CACNA2D1: variants seen among roughly 807,000 people sequenced by gnomAD.
CACNA2D1 encodes the protein voltage-dependent calcium channel subunit alpha-2/delta-1.
Under a neutral mutation model 171.5 loss-of-function variants are expected in CACNA2D1, and 53 were observed. The observed-to-expected ratio is 0.31, with a 90% confidence interval of 0.25 to 0.39. The LOEUF is 0.39. Among genes scored for constraint, CACNA2D1 ranks in the 10% least tolerant of loss-of-function variants. The pLI is 1.00. For missense variants in CACNA2D1, 903 were observed against 1,299.8 expected, an observed-to-expected ratio of 0.69 and a Z score of 4.69; for synonymous variants, 442 against 443.1, an observed-to-expected ratio of 1.00 and a Z score of 0.03.
At chr7:82,384,438 CT>C (rs1203195495) in intron 1 of CACNA2D1, among the ~76,000 whole-genome samples, 9 of 152,110 alleles carry the variant, frequency 5.9e-5, no homozygotes, top group Non-Finnish European at 7.3e-5. Context: ...CTCACCAAAA[CT>C]TGAATGAGTC....
At chr7:82,277,222 G>A (rs946179423) in intron 3 of CACNA2D1, among the ~76,000 whole-genome samples, 2 of 151,686 alleles carry the variant, frequency 1.3e-5, no homozygotes, top group Non-Finnish European at 2.9e-5. Flanking sequence ...TTTTGGAGGG[G>A]GATGAAGTCT....
chr7:82,016,680 G>A (rs762088305), intron 12 of CACNA2D1, among the ~76,000 whole-genome samples: 19 of 140,784 alleles, frequency 1.3e-4, no homozygotes, highest in African/African-American at 3.4e-4. Flanking sequence ...TAACTTCTAC[G>A]TGTTTGCTTA....
chr7:82,375,711 C>A (rs905568182), intron 1 of CACNA2D1, among the ~76,000 whole-genome samples: 15 of 152,172 alleles, frequency 9.9e-5, no homozygotes, highest in African/African-American at 3.6e-4. Context: ...GAGGGCAAGG[C>A]ACGACCTGTA....
chr7:82,266,772 C>T (rs1046495897), intron 3 of CACNA2D1, among the ~76,000 whole-genome samples: 1 of 152,166 alleles, frequency 6.6e-6, no homozygotes, highest in African/African-American at 2.4e-5. Flanking sequence ...CCACCTCTGC[C>T]TCTCAAAGTG....
chr7:82,217,390 C>CACATATATATATATATATATAT (rs1402573092), intron 3 of CACNA2D1, among the ~76,000 whole-genome samples: 6 of 54,440 alleles, frequency 1.1e-4, no homozygotes, highest in African/African-American at 5.2e-4. Flanking sequence ...CACACACACA[C>CACATATATATATATATATATAT]ATACATATAT....
intron 10 of CACNA2D1, among the ~76,000 whole-genome samples, chr7:82,053,024 G>A (rs939727593): frequency 2.0e-5 from 3 of 152,090 alleles, no homozygotes; most frequent in Middle Eastern, 3.4e-3. Flanking sequence ...AGGCAGAGGC[G>A]GGCGGATCAC....
chr7:82,266,176 TG>T (rs1312625915), intron 3 of CACNA2D1, among the ~76,000 whole-genome samples: 2 of 152,200 alleles, frequency 1.3e-5, no homozygotes, highest in South Asian at 4.1e-4. Flanking sequence ...AAAGAGAAAC[TG>T]TCTGGCTTTT....
intron 3 of CACNA2D1, among the ~76,000 whole-genome samples, chr7:82,232,019 T>G (rs1802993372): frequency 6.6e-6 from 1 of 152,204 alleles, no homozygotes; most frequent in African/African-American, 2.4e-5. Flanking sequence ...TGTGACATTT[T>G]GACCACAGAA....
At chr7:82,434,495 GTTA>G (rs1012142689) in intron 1 of CACNA2D1, among the ~76,000 whole-genome samples, 1 of 152,020 alleles carries the variant, frequency 6.6e-6, no homozygotes, top group Admixed American at 6.6e-5. Flanking sequence ...GTACTCATTA[GTTA>G]TTTTTTCTGA....
rs1319086569 is a variant in CACNA2D1, at chr7:82,347,221, T to C, written c.177+2347A>G. On this transcript the variant is annotated intron_variant, in intron 2 of 38. Transcript: ENST00000356860. ...ATAATATTAGCAACTTTCCATGGGC[T>C]ACTATTTTAGGATACAATAAAGCAA... Among the ~76,000 whole-genome samples the C allele has an allele frequency of 3.9e-5, 6 of 152,218 alleles. No homozygotes were observed. In the East Asian group the frequency reaches 1.2e-3, roughly 29 times the overall value.
rs117207327 is a variant in CACNA2D1 at position 82,026,367 on chromosome 7, A to C, written c.1143+6430T>G. On this transcript the variant is annotated intron_variant, in intron 12 of 38. Coordinates refer to ENST00000356860, the MANE Select transcript of CACNA2D1 (RefSeq NM_000722.4). Reference sequence around the variant, plus strand: ...TCTTTTGTATTTTCTTTCTTCCTTTATGTTTGTCATTTTGATATTTTAAAG... The same window carrying C: ...TCTTTTGTATTTTCTTTCTTCCTTTCTGTTTGTCATTTTGATATTTTAAAG... 2.1e-3 allele frequency among the ~76,000 whole-genome samples: 316 copies of C among 151,494 alleles called. 12 individuals carry two copies. In the East Asian group the frequency reaches 0.06, roughly 29 times the overall value.
chr7:82,004,786 G>A (rs985106742), intron 18 of CACNA2D1, among the ~76,000 whole-genome samples: 5 of 152,152 alleles, frequency 3.3e-5, no homozygotes, highest in Non-Finnish European at 7.4e-5. Flanking sequence ...AGTGAAATGA[G>A]TTGTACAAGG....
At chr7:82,127,571 T>C (rs1790471260) in intron 5 of CACNA2D1, among the ~76,000 whole-genome samples, 1 of 152,198 alleles carries the variant, frequency 6.6e-6, no homozygotes, top group Non-Finnish European at 1.5e-5. Flanking sequence ...ACACATATTC[T>C]ATTGTATAAG....
chr7:82,203,172 G>A (rs892698520), intron 3 of CACNA2D1, among the ~76,000 whole-genome samples: 2 of 152,126 alleles, frequency 1.3e-5, no homozygotes, highest in South Asian at 2.1e-4. Flanking sequence ...CAGAGGCCAC[G>A]TGTGGAGCTG....
At chr7:81,951,118 A>G (rs1792468253) in intron 38 of CACNA2D1, among the ~76,000 whole-genome samples, 2 of 152,094 alleles carry the variant, frequency 1.3e-5, no homozygotes, top group South Asian at 4.1e-4. Flanking sequence ...GCAAATATAT[A>G]TCCAAAATAG....
At chr7:82,120,675 G>A (rs1789618973) in intron 5 of CACNA2D1, among the ~76,000 whole-genome samples, 1 of 152,048 alleles carries the variant, frequency 6.6e-6, no homozygotes, top group South Asian at 2.1e-4. Flanking sequence ...AGGAGTTTGA[G>A]ACCAGCCTGG....
chr7:82,274,563 A>AT (rs1480985603), intron 3 of CACNA2D1, among the ~76,000 whole-genome samples: 5 of 152,054 alleles, frequency 3.3e-5, no homozygotes, highest in Admixed American at 6.6e-5. Flanking sequence ...GCACACTCTA[A>AT]TTTTTCTTCC....
chr7:82,363,254 C>CTTTTTTTTTTTTTTTTTTTTTTTT lies in CACNA2D1; in HGVS notation c.96-13629_96-13606dup, dbSNP rs35419275. Among the ~76,000 whole-genome samples, 5 of 63,432 alleles carry CTTTTTTTTTTTTTTTTTTTTTTTT rather than the reference C, an allele frequency of 7.9e-5. 2 individuals carry two copies. The highest frequency in any genetic ancestry group is 4.2e-4 in the African/African-American group (5 of 11,946). 41.6% of individuals were successfully genotyped at this position (63,432 alleles called of 152,430 possible). On this transcript the variant is annotated intron_variant, in intron 1 of 38. Transcript: ENST00000356860. ...CTACCATAGTTTTATTTATTTGTCT[C>CTTTTTTTTTTTTTTTTTTTTTTTT]TTTTTTTTTTTTTTTTTTTTTTTTT...
chr7:82,146,083 T>C (rs946570279), intron 4 of CACNA2D1, among the ~76,000 whole-genome samples: 1 of 151,870 alleles, frequency 6.6e-6, no homozygotes, highest in Non-Finnish European at 1.5e-5. Flanking sequence ...TCCGGCATAT[T>C]AACCAATCTA....
Sources: gnomAD v4.1 joint callset for allele counts (sites outside exome capture counted in the v4.1 genomes callset) on GRCh38, gnomAD v4.1.1 for gene constraint, MANE v1.5 for transcripts, NCBI Gene and HGNC (gene_info 2026-07-23, HGNC 2026-07-21) for gene names.